ETV7: variants seen among roughly 807,000 people sequenced by gnomAD.
The protein encoded by ETV7 is transcription factor ETV7.
In ETV7, 43 loss-of-function variants were observed where a neutral mutation model predicts 39.1. The observed-to-expected ratio is 1.10, with a 90% CI of 0.86 to 1.42. ETV7 has a LOEUF of 1.42. ETV7 is among the 40% of genes most tolerant of loss of function. The pLI is 0.00. For missense variants in ETV7, 432 were observed against 442.3 expected (o/e 0.98, Z 0.21); for synonymous variants, 196 against 176.6 (o/e 1.11, Z -0.87).
At chr6:36,355,887 C>T (rs1371661482) in intron 7 of ETV7, among the ~76,000 whole-genome samples, 1 of 152,186 alleles carries the variant, frequency 6.6e-6, no homozygotes, top group Non-Finnish European at 1.5e-5. Flanking sequence ...TCTGATTCAT[C>T]CCAGAACAAA....
rs759062456 is a variant in ETV7 at position 36,375,963 on chromosome 6, A to G, written c.215T>C (p.Leu72Pro). The G allele has an allele frequency of 1.2e-6, 2 of 1,613,364 alleles. No homozygotes were observed. Among genetic ancestry groups the G allele is most frequent in the South Asian group, 1.1e-5 (1 of 91,092 alleles). The part of the protein sequence containing the change: ...WLRWAEQEYS[L>P]PCTAEHGFEM... ...GAACCCGTGCTCCGCGGTGCATGGC[A>G]GAGAGTACTCCTGCTCTGCCCAGCG... Residue 72 changes from leucine to proline, a missense_variant, in exon 3 of 8, where the codon CTG becomes CCG. Physicochemically the swap from Leu to Pro is moderately conservative, Grantham distance 98. Coordinates refer to ENST00000340181, the MANE Select transcript of ETV7 (RefSeq NM_016135.4).
chr6:36,360,950 T>C (rs1772472391), intron 7 of ETV7, among the ~76,000 whole-genome samples: 1 of 152,194 alleles, frequency 6.6e-6, no homozygotes, highest in Non-Finnish European at 1.5e-5. Context: ...ACTTCTCACG[T>C]CATCTCTCCC....
At chr6:36,376,110 T>C (rs1773329359) in intron 2 of ETV7, 75 bp from the exon 3 acceptor site, 17 of 1,395,086 alleles carry the variant, frequency 1.2e-5, no homozygotes, top group Non-Finnish European at 1.6e-5. Flanking sequence ...ACACTTCATC[T>C]GAGCAGATGC....
At chr6:36,385,392 G>A (rs6901513) in intron 2 of ETV7, 142 bp downstream of exon 2, 277,378 of 963,946 alleles carry the variant, frequency 0.29, 41,248 homozygotes, top group East Asian at 0.41. Context: ...CTTGAACCCA[G>A]GAGCTGGAAG....
chr6:36,380,299 C>T (rs777347341), intron 2 of ETV7, among the ~76,000 whole-genome samples: 1 of 152,180 alleles, frequency 6.6e-6, no homozygotes, highest in Admixed American at 6.5e-5. Flanking sequence ...AGCCCCCGGC[C>T]TCTCCCTCTC....
At chr6:36,358,392 G>A (rs1290054726) in intron 7 of ETV7, among the ~76,000 whole-genome samples, 1 of 152,042 alleles carries the variant, frequency 6.6e-6, no homozygotes, top group East Asian at 1.9e-4. Flanking sequence ...TTTTTCTTTT[G>A]GTGGCCAATC....
downstream of ETV7, chr6:36,366,151 G>A: frequency 2.0e-6 from 2 of 985,606 alleles, no homozygotes; most frequent in Non-Finnish European, 2.4e-6. Flanking sequence ...TCCACCCTGG[G>A]TGACAGCGCA....
intron 4 of ETV7, among the ~76,000 whole-genome samples, chr6:36,372,201 G>A (rs1362514791): frequency 2.6e-5 from 4 of 152,286 alleles, no homozygotes; most frequent in East Asian, 1.9e-4. Context: ...GGTATCTAGA[G>A]CAGAGAGGGG....
intron 2 of ETV7, among the ~76,000 whole-genome samples, chr6:36,376,663 C>T (rs1334481454): frequency 6.6e-6 from 1 of 151,924 alleles, no homozygotes; most frequent in African/African-American, 2.4e-5. Context: ...GTAGTCCCAG[C>T]TGCTCGGGAG....
intron 2 of ETV7, among the ~76,000 whole-genome samples, chr6:36,376,708 A>G (rs1344653259): frequency 2.6e-5 from 4 of 151,228 alleles, no homozygotes; most frequent in Non-Finnish European, 5.9e-5. Context: ...CCCGGGAAGC[A>G]GAGGTTGCAG....
intron 2 of ETV7, among the ~76,000 whole-genome samples, chr6:36,377,130 C>A (rs915598443): frequency 1.3e-5 from 2 of 152,204 alleles, no homozygotes; most frequent in African/African-American, 4.8e-5. Flanking sequence ...GTTACGACTT[C>A]ATGAGCCCTT....
intron 5 of ETV7, among the ~76,000 whole-genome samples, 191 bp downstream of exon 5, chr6:36,371,139 G>A (rs1772994340): frequency 6.6e-6 from 1 of 152,156 alleles, no homozygotes; most frequent in Non-Finnish European, 1.5e-5. Context: ...GGTGAGGCTT[G>A]GTGATCCCAG....
intron 2 of ETV7, among the ~76,000 whole-genome samples, chr6:36,377,503 G>T (rs1035751673): frequency 1.3e-5 from 2 of 152,076 alleles, no homozygotes; most frequent in Admixed American, 1.3e-4. Context: ...GACTGCACTG[G>T]TGTAAAGACT....
At chr6:36,377,688 T>C (rs920587562) in intron 2 of ETV7, among the ~76,000 whole-genome samples, 1 of 152,198 alleles carries the variant, frequency 6.6e-6, no homozygotes. Context: ...GAGATCTGCA[T>C]CTTTCCTTGT....
chr6:36,358,685 A>C (rs1308899100), intron 7 of ETV7, among the ~76,000 whole-genome samples: 1 of 152,172 alleles, frequency 6.6e-6, no homozygotes, highest in Non-Finnish European at 1.5e-5. Context: ...AGAGATTTGC[A>C]CGCCACGTTC....
chr6:36,369,054 C>G lies in ETV7; in HGVS notation c.682G>C (p.Asp228His). The change falls in exon 6 of 8, where the codon GAT (aspartate) becomes CAT (histidine). Residue 228 changes from aspartate to histidine, a missense_variant. Coordinates refer to ENST00000340181, the MANE Select transcript of ETV7 (RefSeq NM_016135.4). ...GRIADCRLLWDYVYQLLLDTR... is the reference protein window; with the variant it reads ...GRIADCRLLWHYVYQLLLDTR... ...TCAAGGAGCAGCTGATACACGTAAT[C>G]CCACAGCAGGCGGCAGTCTGCAATT... 1 of 1,614,128 alleles carries G rather than the reference C, an allele frequency of 6.2e-7. No individual in the cohort carries two copies. Among genetic ancestry groups the G allele is most frequent in the Non-Finnish European group, 8.5e-7 (1 of 1,180,018 alleles).
downstream of ETV7, among the ~76,000 whole-genome samples, chr6:36,363,740 C>T (rs1582170782): frequency 3.9e-5 from 6 of 151,968 alleles, no homozygotes; most frequent in Non-Finnish European, 1.5e-5. Context: ...TTTACAATCC[C>T]TGAGCTAGAC....
chr6:36,371,619 A>G (rs1045526820), intron 4 of ETV7, 59 bp from the exon 5 acceptor site: 7 of 1,396,102 alleles, frequency 5.0e-6, no homozygotes, highest in Admixed American at 2.0e-5. Flanking sequence ...CCCCAACTCA[A>G]TCCCTCAATG....
chr6:36,364,180 T>A (rs1486859357), downstream of ETV7, among the ~76,000 whole-genome samples: 2 of 152,256 alleles, frequency 1.3e-5, no homozygotes, highest in Non-Finnish European at 2.9e-5. Context: ...CAGTGGATCC[T>A]GCACTGGGGC....
Sources: allele counts gnomAD v4.1 joint callset (sites outside exome capture counted in the v4.1 genomes callset), GRCh38; gene constraint gnomAD v4.1.1; transcripts MANE v1.5; gene names NCBI Gene and HGNC (gene_info 2026-07-23, HGNC 2026-07-21).